WDPCP: variants seen among roughly 807,000 people sequenced by gnomAD.
WDPCP encodes WD repeat containing planar cell polarity effector.
WDPCP carries 71 observed loss-of-function variants against 93.1 expected under a neutral mutation model. That is an observed-to-expected ratio of 0.76 (90% CI 0.63 to 0.93). The LOEUF (loss-of-function observed/expected upper bound fraction) is 0.93. Ranked by LOEUF, WDPCP falls within the 40% of genes least tolerant of loss-of-function variation. WDPCP has a pLI of 0.00. For synonymous variants in WDPCP, 315 were observed against 315.0 expected (o/e 1.00, Z 0.00); for missense variants, 844 against 887.4 (o/e 0.95, Z 0.62).
At chr2:63,607,267 T>C (rs1458428700) in intron 3 of WDPCP, 1 of 203,106 alleles carries the variant, frequency 4.9e-6, no homozygotes, top group Non-Finnish European at 1.0e-5. Context: ...ACAGGCGCAG[T>C]GACTGACACC....
At chr2:63,404,727 A>G in intron 9 of WDPCP, 70 bp from the exon 10 acceptor site, 8 of 1,577,502 alleles carry the variant, frequency 5.1e-6, no homozygotes, top group South Asian at 3.4e-5. Context: ...CTAGGACTGC[A>G]TATTTATTCA....
intron 13 of WDPCP, among the ~76,000 whole-genome samples, chr2:63,297,371 A>G (rs1010678130): frequency 4.6e-5 from 7 of 152,150 alleles, no homozygotes; most frequent in Non-Finnish European, 1.5e-5. Flanking sequence ...GACTCCAGAC[A>G]CACATTCTTG....
At chr2:63,147,655 G>C (rs1260298531) in intron 17 of WDPCP, among the ~76,000 whole-genome samples, 3 of 152,198 alleles carry the variant, frequency 2.0e-5, no homozygotes, top group Non-Finnish European at 4.4e-5. Context: ...AATGGATACA[G>C]ATACTGCCTT....
At chr2:63,685,902 A>G (rs1358052892) in intron 2 of WDPCP, among the ~76,000 whole-genome samples, 1 of 152,246 alleles carries the variant, frequency 6.6e-6, no homozygotes, top group African/African-American at 2.4e-5. Context: ...GATACAATTC[A>G]ACATAACTTC....
chr2:63,281,968 T>G (rs555599954), intron 13 of WDPCP, among the ~76,000 whole-genome samples: 1 of 151,712 alleles, frequency 6.6e-6, no homozygotes, highest in South Asian at 2.1e-4. Flanking sequence ...CCCTAAAACC[T>G]ATTGAAATAA....
At chr2:63,142,360 T>C (rs894942085) in intron 17 of WDPCP, among the ~76,000 whole-genome samples, 4 of 152,102 alleles carry the variant, frequency 2.6e-5, no homozygotes, top group African/African-American at 9.7e-5. Flanking sequence ...GTTCAAATAA[T>C]TTTTTAATTT....
chr2:63,497,475 T>A (rs76251423), intron 1 of WDPCP, among the ~76,000 whole-genome samples: 2,113 of 152,322 alleles, frequency 0.014, 48 homozygotes, highest in African/African-American at 0.049. Flanking sequence ...AAATGTGGGT[T>A]ATTCATCCTT....
At chr2:63,466,560 T>C (rs1444768977) in intron 6 of WDPCP, among the ~76,000 whole-genome samples, 1 of 152,234 alleles carries the variant, frequency 6.6e-6, no homozygotes, top group Non-Finnish European at 1.5e-5. Flanking sequence ...TTTAAGTTTC[T>C]ACAAAACTGA....
At chr2:63,521,516 A>C (rs1243982351) in intron 1 of WDPCP, among the ~76,000 whole-genome samples, 1 of 152,224 alleles carries the variant, frequency 6.6e-6, no homozygotes, top group Non-Finnish European at 1.5e-5. Context: ...GAGCACCCAG[A>C]TTCATAAAGT....
chr2:63,708,008 C>T lies in WDPCP; in HGVS notation n.309-57170G>A, dbSNP rs571293898. ...TGGAAGTTTTGTCTCAGAGGAGTACCCAGCTGTATGAGGTGTCAGTCCACC... is the reference window on the plus strand; with the variant it reads ...TGGAAGTTTTGTCTCAGAGGAGTACTCAGCTGTATGAGGTGTCAGTCCACC... On this transcript the variant is annotated intron_variant and non_coding_transcript_variant, in intron 2 of 4. Coordinates refer to the WDPCP transcript ENST00000467687. Among the ~76,000 whole-genome samples the T allele has an allele frequency of 7.9e-4, 120 of 152,180 alleles. 2 individuals are homozygous for T. In the South Asian group the frequency reaches 0.025, roughly 31 times the overall value.
At chr2:63,707,924 G>A (rs199529148) in intron 2 of WDPCP, among the ~76,000 whole-genome samples, 12 of 152,152 alleles carry the variant, frequency 7.9e-5, no homozygotes, top group Admixed American at 3.9e-4. Flanking sequence ...TATCAGCAGC[G>A]GTGGCTGCAG....
At chr2:63,498,108 G>C (rs1194192950) in intron 1 of WDPCP, among the ~76,000 whole-genome samples, 4 of 152,032 alleles carry the variant, frequency 2.6e-5, no homozygotes, top group African/African-American at 9.7e-5. Context: ...ATTAAATATT[G>C]AATCAGAAAA....
Position 63,273,829 on chromosome 2 carries a change from A to G in WDPCP, c.1813-14420T>C, listed in dbSNP as rs77574077. Among the ~76,000 whole-genome samples the G allele has an allele frequency of 2.2e-4, 33 of 150,224 alleles. No homozygotes were observed. In the East Asian group the frequency reaches 3.3e-3, roughly 15 times the overall value. On this transcript the variant is annotated intron_variant, in intron 13 of 17. Coordinates refer to ENST00000272321, the MANE Select transcript of WDPCP (RefSeq NM_015910.7). Reference sequence around the variant, plus strand: ...CAGAAACACACACACACACACACGCACACACACACACACACACACAGAACA... The same window carrying G: ...CAGAAACACACACACACACACACGCGCACACACACACACACACACAGAACA...
intron 14 of WDPCP, among the ~76,000 whole-genome samples, chr2:63,177,940 C>G (rs1033304208): frequency 1.3e-5 from 2 of 152,056 alleles, no homozygotes; most frequent in Admixed American, 1.3e-4. Context: ...GAAAGAACAT[C>G]AAATTTTGTC....
chr2:63,808,221 A>G (rs1670795421), intron 2 of WDPCP, among the ~76,000 whole-genome samples: 1 of 152,212 alleles, frequency 6.6e-6, no homozygotes, highest in Admixed American at 6.5e-5. Context: ...CTGAAAAATT[A>G]TTTAAGTTGC....
intron 1 of WDPCP, among the ~76,000 whole-genome samples, chr2:63,524,213 C>T (rs972221760): frequency 6.6e-6 from 1 of 152,176 alleles, no homozygotes; most frequent in Non-Finnish European, 1.5e-5. Flanking sequence ...CAGTGCTATT[C>T]CTATCAAACT....
intron 6 of WDPCP, among the ~76,000 whole-genome samples, chr2:63,463,868 G>GT: frequency 6.6e-6 from 1 of 152,182 alleles, no homozygotes; most frequent in Admixed American, 6.5e-5. Context: ...GAAATGTAGA[G>GT]AGAGAACCCT....
rs1252119337 is a variant in WDPCP at position 63,678,136 on chromosome 2, A to G, written n.309-27298T>C. On this transcript the variant is annotated intron_variant and non_coding_transcript_variant, in intron 2 of 4. Transcript: ENST00000467687. ...CAAATGCCAAATCTATGGTATTTGC[A>G]GTTGCCGAAAGTAATCAAGGACTCA... is the stretch of plus-strand genomic sequence containing the variant. 2.6e-5 allele frequency among the ~76,000 whole-genome samples: 4 copies of G among 152,224 alleles called. No homozygotes were observed. In the East Asian group the frequency reaches 5.8e-4, roughly 22 times the overall value.
Position 63,412,673 on chromosome 2 carries a change from T to C in WDPCP, c.826-8016A>G, listed in dbSNP as rs192180997. 8.7e-4 allele frequency among the ~76,000 whole-genome samples: 133 copies of C among 152,186 alleles called. 1 individual carries two copies. The highest frequency in any genetic ancestry group is 8.7e-3 in the Admixed American group (133 of 15,290). On this transcript the variant is annotated intron_variant, in intron 9 of 17. Transcript: ENST00000272321. ...AAGCTCCTAGAACTGATAAAAGAAT[T>C]CAGCAAAGTTTCTGTATACAAGATT...
Sources: allele counts gnomAD v4.1 joint callset (sites outside exome capture counted in the v4.1 genomes callset), GRCh38; gene constraint gnomAD v4.1.1; transcripts MANE v1.5; gene names NCBI Gene and HGNC (gene_info 2026-07-23, HGNC 2026-07-21).